Variants in FGF2 observed in about 807,000 individuals in gnomAD.
FGF2 encodes the protein basic fibroblast growth factor bFGF.
In FGF2, 13 loss-of-function variants were observed where a neutral mutation model predicts 15.9. The observed-to-expected ratio is 0.82, with a 90% CI of 0.53 to 1.30. FGF2 has a LOEUF of 1.30. Ranked by LOEUF, FGF2 falls within the 50% of genes most tolerant of loss-of-function variation. The probability of loss-of-function intolerance (pLI) is 0.00; values close to 1 mark genes in which losing one functional copy is unlikely to be tolerated. For synonymous variants in FGF2, 90 were observed against 78.4 expected (o/e 1.15, Z -0.78); for missense variants, 163 against 196.9 (o/e 0.83, Z 1.03).
intron 1 of FGF2, among the ~76,000 whole-genome samples, chr4:122,831,897 G>A (rs1725772252): frequency 6.6e-6 from 1 of 152,168 alleles, no homozygotes; most frequent in South Asian, 2.1e-4. Context: ...AAAATAAAAT[G>A]TTACAGATGT....
chr4:122,865,466 A>AT (rs1439316482), intron 1 of FGF2, among the ~76,000 whole-genome samples: 3 of 151,624 alleles, frequency 2.0e-5, no homozygotes, highest in African/African-American at 7.3e-5. Flanking sequence ...AATTTTTTTT[A>AT]TTTTTTGTAG....
intron 1 of FGF2, among the ~76,000 whole-genome samples, chr4:122,861,918 A>G (rs1056122342): frequency 2.6e-5 from 4 of 152,050 alleles, no homozygotes; most frequent in Non-Finnish European, 5.9e-5. Flanking sequence ...TCAGTCTCCA[A>G]TCATTTGTCA....
intron 1 of FGF2, among the ~76,000 whole-genome samples, chr4:122,873,148 G>T (rs1726773809): frequency 6.6e-6 from 1 of 152,182 alleles, no homozygotes; most frequent in Admixed American, 6.5e-5. Flanking sequence ...CAAATGTTTG[G>T]GTTGGTGGGG....
intron 1 of FGF2, among the ~76,000 whole-genome samples, chr4:122,855,545 A>G (rs564071976): frequency 6.6e-6 from 1 of 152,314 alleles, no homozygotes; most frequent in East Asian, 1.9e-4. Context: ...ACTTCCTCAA[A>G]GGCCTGTCTG....
At chr4:122,888,568 T>C (rs1030579446) in intron 2 of FGF2, 5 of 152,270 alleles carry the variant, frequency 3.3e-5, no homozygotes, top group Non-Finnish European at 7.3e-5. Flanking sequence ...TCTTCCCACA[T>C]TGGCCTACTT....
At chr4:122,892,084 C>T (rs1016289896) in intron 2 of FGF2, 127 bp from the exon 3 acceptor site, 83 of 841,332 alleles carry the variant, frequency 9.9e-5, no homozygotes, top group Admixed American at 1.1e-4. Flanking sequence ...TTTGATTGCC[C>T]TGCTGAACCC....
At chr4:122,850,769 C>CA (rs561305960) in intron 1 of FGF2, among the ~76,000 whole-genome samples, 19 of 151,980 alleles carry the variant, frequency 1.3e-4, no homozygotes, top group Non-Finnish European at 2.6e-4. Context: ...AAGAAGGGAG[C>CA]AAAAAAACCA....
intron 2 of FGF2, among the ~76,000 whole-genome samples, chr4:122,878,685 G>A (rs974768101): frequency 5.9e-5 from 9 of 152,186 alleles, no homozygotes; most frequent in Non-Finnish European, 1.0e-4. Flanking sequence ...AAGACTGGTG[G>A]AGAGAGATCA....
intron 1 of FGF2, among the ~76,000 whole-genome samples, chr4:122,861,735 T>C (rs1726470881): frequency 6.6e-6 from 1 of 151,990 alleles, no homozygotes; most frequent in East Asian, 1.9e-4. Context: ...CCTCATTTAG[T>C]CCCCCATACC....
chr4:122,878,369 A>G (rs1726898198), intron 2 of FGF2, among the ~76,000 whole-genome samples: 1 of 152,216 alleles, frequency 6.6e-6, no homozygotes, highest in South Asian at 2.1e-4. Context: ...AGATGAAGGT[A>G]TAGATAACTC....
chr4:122,831,547 CTGTAA>C (rs1725766912), intron 1 of FGF2, among the ~76,000 whole-genome samples: 1 of 152,158 alleles, frequency 6.6e-6, no homozygotes, highest in African/African-American at 2.4e-5. Context: ...GTGATATTTA[CTGTAA>C]TAAATATTGG....
chr4:122,897,997 C>T lies in FGF2; in HGVS notation c.*5601C>T, dbSNP rs1392388147. On this transcript the variant is annotated 3_prime_UTR_variant, in exon 3 of 3. Transcript: ENST00000644866. ...AATTTCTGTAATTTAAAATATTTTGCTGCTAGTTAACTATGAACAGATAGA... is the reference window on the plus strand; with the variant it reads ...AATTTCTGTAATTTAAAATATTTTGTTGCTAGTTAACTATGAACAGATAGA... 3 of 252,200 alleles carry T rather than the reference C, an allele frequency of 1.2e-5. No individual in the cohort carries two copies. The highest frequency in any genetic ancestry group is 4.5e-5 in the African/African-American group (2 of 44,264). 15.6% of individuals were successfully genotyped at this position (252,200 alleles called of 1,614,324 possible).
In FGF2 at chr4:122,833,201, G is replaced by A. The variant is rs34059519; in HGVS notation, c.178+5849G>A. On this transcript the variant is annotated intron_variant, in intron 1 of 2. Transcript: ENST00000644866. ...TGGATGTGTGTGTGTGTGTGTGTGTGTATGTGTGTATTTGTATTTTTATAG... is the reference window on the plus strand; with the variant it reads ...TGGATGTGTGTGTGTGTGTGTGTGTATATGTGTGTATTTGTATTTTTATAG... Among the ~76,000 whole-genome samples the A allele has an allele frequency of 8.2e-3, 1,233 of 151,178 alleles. 20 individuals carry two copies. Among genetic ancestry groups the A allele is most frequent in the African/African-American group, 0.027 (1,126 of 41,128 alleles).
chr4:122,828,039 T>A (rs12650248), intron 1 of FGF2, among the ~76,000 whole-genome samples: 6,491 of 152,296 alleles, frequency 0.043, 259 homozygotes, highest in East Asian at 0.15. Flanking sequence ...AGCCGACGCT[T>A]AACCCCAGAG....
intron 1 of FGF2, among the ~76,000 whole-genome samples, chr4:122,833,709 T>C (rs1178665772): frequency 2.0e-5 from 3 of 152,206 alleles, no homozygotes; most frequent in Non-Finnish European, 4.4e-5. Flanking sequence ...TGCTGTGAAA[T>C]AACTACTCAT....
rs1009839350 is a variant in FGF2, at chr4:122,872,660, G to C, written c.179-3661G>C. ...GTCACCTACAAAGGGAAGCCCATCG[G>C]ACTAACAGCAGACCTCTCAGCAGAA... On this transcript the variant is annotated intron_variant, in intron 1 of 2. Coordinates refer to ENST00000644866, the MANE Select transcript of FGF2 (RefSeq NM_001361665.2). Among the ~76,000 whole-genome samples, 5 of 152,154 alleles carry C rather than the reference G, an allele frequency of 3.3e-5. No homozygotes were observed. In the East Asian group the frequency reaches 9.6e-4, roughly 29 times the overall value.
rs935073161 is a variant in FGF2, at chr4:122,894,652, T to C, written c.*2256T>C. ...ACTCTGATGTGCAATACATTTGTTATTAAATTTATTATTTAAGATGGTAGC... is the reference window on the plus strand; with the variant it reads ...ACTCTGATGTGCAATACATTTGTTACTAAATTTATTATTTAAGATGGTAGC... On this transcript the variant is annotated 3_prime_UTR_variant, in exon 3 of 3. Coordinates refer to ENST00000644866, the MANE Select transcript of FGF2 (RefSeq NM_001361665.2). The C allele has an allele frequency of 6.6e-6, 1 of 152,202 alleles. No homozygotes were observed. Among genetic ancestry groups the C allele is most frequent in the Admixed American group, 6.5e-5 (1 of 15,280 alleles). 9.4% of individuals were successfully genotyped at this position (152,202 alleles called of 1,614,324 possible). A position where few individuals can be genotyped will look rare whatever the true frequency, so the allele number is the denominator to read the frequency against.
At chr4:122,835,937 A>G (rs1725856828) in intron 1 of FGF2, among the ~76,000 whole-genome samples, 1 of 152,088 alleles carries the variant, frequency 6.6e-6, no homozygotes, top group African/African-American at 2.4e-5. Context: ...TCTTTTTCTT[A>G]TCAATTTCTC....
At chr4:122,872,972 T>C (rs12506710) in intron 1 of FGF2, among the ~76,000 whole-genome samples, 24,421 of 152,268 alleles carry the variant, frequency 0.16, 2,463 homozygotes, top group East Asian at 0.45. Context: ...CATCAGCTAG[T>C]GTGCAAAATA....
Sources: gnomAD v4.1 joint callset for allele counts (sites outside exome capture counted in the v4.1 genomes callset) on GRCh38, gnomAD v4.1.1 for gene constraint, MANE v1.5 for transcripts, NCBI Gene and HGNC (gene_info 2026-07-23, HGNC 2026-07-21) for gene names.